SORCS2: variants seen among roughly 807,000 people sequenced by gnomAD.
SORCS2 encodes sortilin related VPS10 domain containing receptor 2.
SORCS2 carries 100 observed loss-of-function variants against 141.6 expected under a neutral mutation model. That is an observed-to-expected ratio of 0.71 (90% CI 0.60 to 0.83). The LOEUF is 0.83. SORCS2 is among the 40% of genes least tolerant of loss of function. SORCS2 has a pLI of 0.00. For missense variants in SORCS2, 1,646 were observed against 1,560.2 expected, an observed-to-expected ratio of 1.05 and a Z score of -0.93; for synonymous variants, 789 against 676.9, an observed-to-expected ratio of 1.17 and a Z score of -2.57.
chr4:7,281,451 C>T (rs1280577772), intron 1 of SORCS2, among the ~76,000 whole-genome samples: 1 of 152,210 alleles, frequency 6.6e-6, no homozygotes, highest in Non-Finnish European at 1.5e-5. Context: ...TTTCTCCTGC[C>T]TGCTGCGTCC....
chr4:7,572,968 C>A (rs754907250), intron 3 of SORCS2, among the ~76,000 whole-genome samples: 1 of 151,542 alleles, frequency 6.6e-6, no homozygotes, highest in Non-Finnish European at 1.5e-5. Flanking sequence ...TCTAAAGTGC[C>A]CCGTCATAGT....
At chr4:7,520,398 C>T (rs184560336) in intron 2 of SORCS2, among the ~76,000 whole-genome samples, 7 of 152,302 alleles carry the variant, frequency 4.6e-5, no homozygotes, top group East Asian at 3.9e-4. Context: ...GGGTCAGGTC[C>T]GAGGTCATGC....
intron 3 of SORCS2, among the ~76,000 whole-genome samples, chr4:7,632,634 G>A (rs973759852): frequency 3.9e-5 from 6 of 152,192 alleles, no homozygotes; most frequent in Non-Finnish European, 8.8e-5. Flanking sequence ...CCTAATGGAG[G>A]GTGCGGACTG....
intron 1 of SORCS2, among the ~76,000 whole-genome samples, chr4:7,277,726 T>C (rs1411814281): frequency 6.6e-6 from 1 of 152,184 alleles, no homozygotes; most frequent in Admixed American, 6.5e-5. Context: ...AGTCAGCCTC[T>C]GGAGGGCCCA....
chr4:7,304,636 G>A (rs1717659761), intron 1 of SORCS2, among the ~76,000 whole-genome samples: 1 of 152,326 alleles, frequency 6.6e-6, no homozygotes, highest in African/African-American at 2.4e-5. Flanking sequence ...TCCTCTCAGA[G>A]CTGCACCTTG....
Position 7,714,344 on chromosome 4 carries a change from G to T in SORCS2, c.2094G>T (p.Val698=). Residue 698 remains valine (V), a synonymous_variant, in exon 16 of 27, where the codon GTG becomes GTT. Transcript: ENST00000507866. ...RSFTSALTSR[V]CECRDSDFLC... is the part of the protein sequence containing the mutation. ...TCACGTCGGCGCTCACGTCCCGCGT[G>T]TGCGAGTGCCGGGACTCGGACTTCC... 6.4e-7 allele frequency: 1 copy of T among 1,563,734 alleles called. No homozygotes were observed. The highest frequency in any genetic ancestry group is 8.7e-7 in the Non-Finnish European group (1 of 1,153,918).
At chr4:7,326,328 G>A (rs1318282949) in intron 1 of SORCS2, among the ~76,000 whole-genome samples, 1 of 152,018 alleles carries the variant, frequency 6.6e-6, no homozygotes, top group East Asian at 1.9e-4. Flanking sequence ...CCCTGGCATC[G>A]GGTGGCTGCT....
In SORCS2 at chr4:7,543,927, TCCACCCATCCAC is replaced by T. The variant is rs1713007617; in HGVS notation, c.648+12302_648+12313del. ...ATCCACCCATCCACCCATCCACCCA[TCCACCCATCCAC>T]CCATCCATCCATCCATCCATCCATC... On this transcript the variant is annotated intron_variant, in intron 3 of 26. Coordinates refer to ENST00000507866, the MANE Select transcript of SORCS2 (RefSeq NM_020777.3). Among the ~76,000 whole-genome samples, 9 of 62,476 alleles carry T rather than the reference TCCACCCATCCAC, an allele frequency of 1.4e-4. 1 individual carries two copies. The highest frequency in any genetic ancestry group is 3.5e-4 in the African/African-American group (5 of 14,442). The allele number at this position is 62,476 out of a possible 152,430, so 41.0% of individuals were successfully genotyped here.
chr4:7,418,765 G>T (rs1483328106), intron 2 of SORCS2, among the ~76,000 whole-genome samples: 1 of 150,602 alleles, frequency 6.6e-6, no homozygotes, highest in Non-Finnish European at 1.5e-5. Context: ...ACGATTCTGT[G>T]AATGGGCAAT....
chr4:7,725,086 A>C (rs1334790840), intron 19 of SORCS2, 68 bp from the exon 20 acceptor site: 5 of 1,537,402 alleles, frequency 3.3e-6, no homozygotes, highest in African/African-American at 2.9e-5. Context: ...GACAGTGATC[A>C]CTAAGCAGCC....
intron 9 of SORCS2, among the ~76,000 whole-genome samples, chr4:7,676,837 CCACCCCAGCCCTGTCATCTCCTCCTT>C (rs1723175258): frequency 1.5e-5 from 2 of 134,022 alleles, no homozygotes; most frequent in African/African-American, 5.4e-5. Flanking sequence ...CTCCCTCTCT[CCACCCCAGCCCTGTCATCTCCTCCTT>C]CCTCTCCCTC....
chr4:7,283,435 G>A (rs1177456048), intron 1 of SORCS2, among the ~76,000 whole-genome samples: 1 of 152,214 alleles, frequency 6.6e-6, no homozygotes, highest in African/African-American at 2.4e-5. Context: ...TTCGGTAGGT[G>A]TTTGTGGATT....
At chr4:7,282,582 C>T (rs1312019315) in intron 1 of SORCS2, among the ~76,000 whole-genome samples, 1 of 152,170 alleles carries the variant, frequency 6.6e-6, no homozygotes, top group African/African-American at 2.4e-5. Flanking sequence ...CTTAGCTCCC[C>T]CACTAATCAT....
chr4:7,545,452 G>A (rs944672944), intron 3 of SORCS2, among the ~76,000 whole-genome samples: 1 of 152,204 alleles, frequency 6.6e-6, no homozygotes, highest in African/African-American at 2.4e-5. Flanking sequence ...CATCCATCAG[G>A]GCTGGAGGGA....
intron 3 of SORCS2, among the ~76,000 whole-genome samples, chr4:7,561,253 C>T (rs1460178792): frequency 6.6e-6 from 1 of 152,142 alleles, no homozygotes; most frequent in African/African-American, 2.4e-5. Context: ...ACAAGAGAAT[C>T]ACTTTTATCT....
At position 7,733,376 on chromosome 4, in the gene SORCS2, C is replaced by T. The variant is rs768181356; in HGVS notation, c.3163C>T (p.Arg1055Ter). Residue 1055 changes from arginine to a stop codon, truncating the protein, a stop_gained, in exon 24 of 27, where the codon CGA becomes TGA. Transcript: ENST00000507866. LOFTEE classifies it high-confidence loss of function. ...LNAQKISFLLRGGVRVLVALR... is the reference protein window; with the variant it reads ...LNAQKISFLL Reference sequence around the variant, plus strand: ...CGCACAGAAGATCAGCTTCCTCCTGCGAGGCGGAGTCCGGGTCCTGGTGGC... The same window carrying T: ...CGCACAGAAGATCAGCTTCCTCCTGTGAGGCGGAGTCCGGGTCCTGGTGGC... The T allele has an allele frequency of 6.3e-6, 10 of 1,589,220 alleles. No individual in the cohort carries two copies. Among genetic ancestry groups the T allele is most frequent in the South Asian group, 1.2e-5 (1 of 86,712 alleles).
At chr4:7,433,599 GC>G (rs1727047088) in intron 2 of SORCS2, 2 of 1,611,484 alleles carry the variant, frequency 1.2e-6, no homozygotes, top group African/African-American at 2.7e-5. Context: ...GCAGGATGCT[GC>G]AGCCACCCTT....
chr4:7,345,088 G>A (rs1414277185), intron 1 of SORCS2, among the ~76,000 whole-genome samples: 2 of 152,188 alleles, frequency 1.3e-5, no homozygotes, highest in African/African-American at 2.4e-5. Flanking sequence ...ATGGATTAGA[G>A]GGGGAAGGAT....
At chr4:7,626,007 T>C (rs1719493172) in intron 3 of SORCS2, among the ~76,000 whole-genome samples, 1 of 151,888 alleles carries the variant, frequency 6.6e-6, no homozygotes. Context: ...CCAGGCATGG[T>C]GGTACACACG....
Sources: allele counts gnomAD v4.1 joint callset (sites outside exome capture counted in the v4.1 genomes callset), GRCh38; gene constraint gnomAD v4.1.1; transcripts MANE v1.5; gene names NCBI Gene and HGNC (gene_info 2026-07-23, HGNC 2026-07-21).